Variants in PTDSS2 observed in about 807,000 individuals in gnomAD.
PTDSS2 encodes PSS-2.
A neutral mutation model predicts 64.7 loss-of-function variants in PTDSS2; 41 were observed. That is an observed-to-expected ratio of 0.63 (90% CI 0.49 to 0.82). The LOEUF is 0.82. Ranked by LOEUF, PTDSS2 falls within the 40% of genes least tolerant of loss-of-function variation. PTDSS2 has a pLI of 0.00. For synonymous variants in PTDSS2, 297 were observed against 277.8 expected (o/e 1.07, Z -0.69); for missense variants, 485 against 650.0 (o/e 0.75, Z 2.76).
At chr11:489,832 C>T (rs753559047) in intron 10 of PTDSS2, 51 bp from the exon 11 acceptor site, 1 of 1,544,198 alleles carries the variant, frequency 6.5e-7, no homozygotes, top group Non-Finnish European at 8.7e-7. Context: ...GCAAGTCCGC[C>T]TGGAGGACCC....
chr11:475,842 A>G (rs908940881), intron 3 of PTDSS2, among the ~76,000 whole-genome samples: 8 of 152,318 alleles, frequency 5.3e-5, no homozygotes, highest in African/African-American at 1.7e-4. Flanking sequence ...GAGAGTTTCC[A>G]GTTTTATTTT....
At chr11:472,919 C>T (rs1847542921) in intron 2 of PTDSS2, among the ~76,000 whole-genome samples, 1 of 152,184 alleles carries the variant, frequency 6.6e-6, no homozygotes, top group African/African-American at 2.4e-5. Flanking sequence ...ACGGCACTGC[C>T]GAGCCGTGGG....
rs1369997250 is a variant in PTDSS2 at position 470,893 on chromosome 11, C to T, written c.285-3002C>T. On this transcript the variant is annotated intron_variant, in intron 2 of 11. Coordinates refer to ENST00000308020, the MANE Select transcript of PTDSS2 (RefSeq NM_030783.3). This position sits in a 1 kb window ranked among gnomAD's most constrained non-coding sequence, Gnocchi z 5.3. ...GTGAGCCACCGCACCCAGCCAGCAC[C>T]GGCTTATTAATGGTGAGATGTTAAT... 2.0e-5 allele frequency among the ~76,000 whole-genome samples: 3 copies of T among 151,988 alleles called. No individual in the cohort carries two copies. Among genetic ancestry groups the T allele is most frequent in the Non-Finnish European group, 2.9e-5 (2 of 68,000 alleles).
intron 11 of PTDSS2, 27 bp from the exon 12 acceptor site, chr11:490,393 G>A: frequency 6.2e-7 from 1 of 1,613,038 alleles, no homozygotes; most frequent in South Asian, 1.1e-5. Context: ...GTGGGGGCAG[G>A]TGGTGACGCT....
chr11:460,429 T>G lies in PTDSS2; in HGVS notation c.284+141T>G. On this transcript the variant is annotated intron_variant, in intron 2 of 11. Transcript: ENST00000308020. The surrounding 1 kb of genome is among the most constrained non-coding windows in gnomAD (Gnocchi z 5.8). ...TGGGGCCGCCGGCCTCTCCCTTGAG[T>G]GTGTCTGATGTGCAGACTCCAGGGC... The G allele has an allele frequency of 1.5e-6, 1 of 658,992 alleles. No homozygotes were observed. The highest frequency in any genetic ancestry group is 2.7e-6 in the Non-Finnish European group (1 of 370,290). The allele number at this position is 658,992 out of a possible 1,614,324, so 40.8% of individuals were successfully genotyped here.
At chr11:490,334 C>A (rs966409600) in intron 11 of PTDSS2, 86 bp from the exon 12 acceptor site, 4 of 1,582,562 alleles carry the variant, frequency 2.5e-6, no homozygotes, top group East Asian at 4.5e-5. Flanking sequence ...TTCCGGACCT[C>A]CACAGGGACT....
chr11:489,276 A>G, intron 8 of PTDSS2, 124 bp from the exon 9 acceptor site: 5 of 767,290 alleles, frequency 6.5e-6, no homozygotes, highest in Non-Finnish European at 1.1e-5. Context: ...CGGGGTGACC[A>G]AGAGCAGAGC....
At chr11:469,122 C>T (rs925034626) in intron 2 of PTDSS2, among the ~76,000 whole-genome samples, 2 of 87,336 alleles carry the variant, frequency 2.3e-5, no homozygotes, top group African/African-American at 4.6e-5. Context: ...TCTGGGTAAT[C>T]GGAAGGAGGA....
chr11:475,211 G>A lies in PTDSS2; in HGVS notation c.367+1234G>A, dbSNP rs535880333. ...GCGTTTATGATATGGACATAATCAC[G>A]TCTTTGTGTATATGGACATGTTCAC... is the stretch of plus-strand genomic sequence containing the variant. On this transcript the variant is annotated intron_variant, in intron 3 of 11. Coordinates refer to ENST00000308020, the MANE Select transcript of PTDSS2 (RefSeq NM_030783.3). Among the ~76,000 whole-genome samples, 19 of 69,140 alleles carry A rather than the reference G, an allele frequency of 2.7e-4. 1 individual carries two copies. The South Asian group carries it at 6.4e-3, about 23-fold the overall frequency. The allele number at this position is 69,140 out of a possible 152,430, so 45.4% of individuals were successfully genotyped here. A position where few individuals can be genotyped will look rare whatever the true frequency, so the allele number is the denominator to read the frequency against.
intron 4 of PTDSS2, among the ~76,000 whole-genome samples, chr11:481,686 C>T (rs1848076277): frequency 6.6e-6 from 1 of 152,142 alleles, no homozygotes; most frequent in Admixed American, 6.5e-5. Context: ...TTTTTGTGTA[C>T]TGATCTTGCG....
chr11:466,511 G>A (rs1847149013), intron 2 of PTDSS2, among the ~76,000 whole-genome samples: 3 of 151,056 alleles, frequency 2.0e-5, no homozygotes, highest in South Asian at 2.1e-4. Context: ...GGGTTCAAGC[G>A]ATTCTCCTGC....
chr11:480,885 A>G (rs1259158788), intron 4 of PTDSS2, among the ~76,000 whole-genome samples: 1 of 152,190 alleles, frequency 6.6e-6, no homozygotes, highest in African/African-American at 2.4e-5. Context: ...GATGGAGACC[A>G]TCCTGGCTAA....
chr11:482,964 C>G lies in PTDSS2; in HGVS notation c.435+3812C>G, dbSNP rs1848138714. ...TGTGAGTTTTTCGTAGATCTCCCTA[C>G]CGAGTGCAGAAAGTTCTGTGAGTTT... On this transcript the variant is annotated intron_variant, in intron 4 of 11. Transcript: ENST00000308020. 1.7e-4 allele frequency among the ~76,000 whole-genome samples: 24 copies of G among 138,446 alleles called. No individual in the cohort carries two copies. In the South Asian group the frequency reaches 6.2e-3, roughly 36 times the overall value. 90.8% of individuals were successfully genotyped at this position (138,446 alleles called of 152,430 possible).
intron 8 of PTDSS2, 37 bp downstream of exon 8, chr11:488,684 G>A: frequency 1.3e-6 from 2 of 1,484,680 alleles, no homozygotes; most frequent in African/African-American, 1.4e-5. Flanking sequence ...GGCCGGGTGG[G>A]GGTTACCTGG....
upstream of PTDSS2, chr11:450,224 A>G (rs1482753480): frequency 8.2e-6 from 3 of 366,426 alleles, no homozygotes; most frequent in Non-Finnish European, 1.5e-5. Context: ...CACTGCGTCC[A>G]ACCCGCGACG....
chr11:450,379 G>A lies in PTDSS2; in HGVS notation c.-77G>A. The stretch of plus-strand genomic sequence containing the variant: ...CTTCCCAGCGCTCCTCGCGCTGTGT[G>A]CGGCGCGTCCTCTCGCCGGTGACCC... On this transcript the variant is annotated 5_prime_UTR_variant, in exon 1 of 12. Transcript: ENST00000308020. 8.5e-7 allele frequency: 1 copy of A among 1,173,520 alleles called. No homozygotes were observed. The highest frequency in any genetic ancestry group is 1.1e-6 in the Non-Finnish European group (1 of 938,840). 72.7% of individuals were successfully genotyped at this position (1,173,520 alleles called of 1,614,324 possible).
intron 7 of PTDSS2, 99 bp downstream of exon 7, chr11:488,411 C>CG (rs1848504034): frequency 6.0e-6 from 8 of 1,328,344 alleles, no homozygotes; most frequent in East Asian, 4.6e-5. Flanking sequence ...TCATTCTCCC[C>CG]GGGGGGCAGT....
At chr11:448,370 C>G (rs1306781578), upstream of PTDSS2, 3 of 152,238 alleles carry the variant, frequency 2.0e-5, no homozygotes, top group Admixed American at 2.0e-4. Context: ...TTTGAGAGAA[C>G]ACCCATACGC....
chr11:489,778 G>C (rs760581091), intron 10 of PTDSS2, 45 bp downstream of exon 10: 81 of 1,584,480 alleles, frequency 5.1e-5, no homozygotes, highest in Non-Finnish European at 6.7e-5. Context: ...CGGGGGGCAG[G>C]GGCCGGAGGG....
Sources: allele counts gnomAD v4.1 joint callset (sites outside exome capture counted in the v4.1 genomes callset), GRCh38; gene constraint gnomAD v4.1.1; non-coding constraint Gnocchi (gnomAD v3.1); transcripts MANE v1.5; gene names NCBI Gene and HGNC (gene_info 2026-07-23, HGNC 2026-07-21).